Variants in RASGRF2 observed in about 807,000 individuals in gnomAD.
The protein encoded by RASGRF2 is ras-specific guanine nucleotide-releasing factor 2.
A neutral mutation model predicts 151.0 loss-of-function variants in RASGRF2; 76 were observed. That is an observed-to-expected ratio of 0.50 (90% confidence interval 0.42 to 0.61). The LOEUF (loss-of-function observed/expected upper bound fraction) is 0.61. Ranked by LOEUF, RASGRF2 falls within the 20% of genes least tolerant of loss-of-function variation. The probability of loss-of-function intolerance (pLI) is 0.00; values close to 1 mark genes in which losing one functional copy is unlikely to be tolerated. For missense variants in RASGRF2, 1,148 were observed against 1,564.6 expected (o/e 0.73, Z 4.49); for synonymous variants, 504 against 566.5 (o/e 0.89, Z 1.57).
intron 17 of RASGRF2, among the ~76,000 whole-genome samples, chr5:81,172,710 C>T (rs1754685501): frequency 6.6e-6 from 1 of 152,122 alleles, no homozygotes; most frequent in African/African-American, 2.4e-5. Flanking sequence ...ACCCCTTATC[C>T]CTACCATTGT....
At chr5:80,996,514 CTCCT>C (rs1748875851) in intron 1 of RASGRF2, among the ~76,000 whole-genome samples, 1 of 34,732 alleles carries the variant, frequency 2.9e-5, no homozygotes, top group Admixed American at 3.4e-4. Flanking sequence ...CCTCCTCCTC[CTCCT>C]CCCCCTCCTC....
chr5:81,101,325 T>G (rs1010831307), intron 12 of RASGRF2, among the ~76,000 whole-genome samples: 3 of 152,120 alleles, frequency 2.0e-5, no homozygotes, highest in African/African-American at 4.8e-5. Context: ...ATGTACACAC[T>G]CACATATACC....
chr5:81,040,660 G>A (rs916834204), intron 1 of RASGRF2, among the ~76,000 whole-genome samples: 2 of 152,198 alleles, frequency 1.3e-5, no homozygotes, highest in Admixed American at 6.5e-5. Context: ...CCCCTTGGAT[G>A]TTAGAACCTT....
chr5:81,092,423 AT>A (rs1752416700), intron 9 of RASGRF2, among the ~76,000 whole-genome samples: 1 of 152,112 alleles, frequency 6.6e-6, no homozygotes, highest in African/African-American at 2.4e-5. Context: ...TTGTTATCAT[AT>A]TATTCTATAT....
chr5:81,199,172 A>G (rs1308262991), intron 18 of RASGRF2, among the ~76,000 whole-genome samples: 3 of 152,214 alleles, frequency 2.0e-5, no homozygotes, highest in African/African-American at 7.2e-5. Flanking sequence ...CTTTTAAAGC[A>G]TTCGCCTCTT....
At chr5:81,091,991 G>T (rs1752402303) in intron 9 of RASGRF2, among the ~76,000 whole-genome samples, 1 of 152,160 alleles carries the variant, frequency 6.6e-6, no homozygotes, top group African/African-American at 2.4e-5. Flanking sequence ...ATCTTTGTTA[G>T]TACTTTTTGG....
chr5:81,028,710 C>T (rs1191284858), intron 1 of RASGRF2, among the ~76,000 whole-genome samples: 1 of 152,188 alleles, frequency 6.6e-6, no homozygotes, highest in South Asian at 2.1e-4. Context: ...ATAGGAACAG[C>T]TGCAGTCTAC....
intron 1 of RASGRF2, among the ~76,000 whole-genome samples, chr5:80,999,257 T>C (rs1193727826): frequency 6.6e-6 from 1 of 152,184 alleles, no homozygotes; most frequent in Non-Finnish European, 1.5e-5. Context: ...CTTCACTTTA[T>C]GGGGATAAGA....
intron 16 of RASGRF2, among the ~76,000 whole-genome samples, chr5:81,126,562 C>T (rs1379933014): frequency 6.6e-6 from 1 of 152,080 alleles, no homozygotes; most frequent in Non-Finnish European, 1.5e-5. Flanking sequence ...CTCTCCATTC[C>T]CCCTCCAACC....
intron 1 of RASGRF2, among the ~76,000 whole-genome samples, chr5:81,041,811 C>T (rs2086808850): frequency 1.3e-5 from 2 of 152,128 alleles, no homozygotes; most frequent in Admixed American, 1.3e-4. Flanking sequence ...TATGTAGAAC[C>T]ATTTTATCAC....
chr5:81,219,172 G>C (rs529367942), intron 25 of RASGRF2, among the ~76,000 whole-genome samples: 3 of 151,496 alleles, frequency 2.0e-5, no homozygotes, highest in Non-Finnish European at 4.4e-5. Flanking sequence ...TCCACCTTCC[G>C]GGTTCAAGCA....
intron 18 of RASGRF2, among the ~76,000 whole-genome samples, chr5:81,180,954 A>G (rs1231410081): frequency 6.6e-6 from 1 of 152,032 alleles, no homozygotes; most frequent in African/African-American, 2.4e-5. Context: ...TGCATGCATA[A>G]TGCTTTTCTT....
chr5:81,223,118 C>G (rs1340108833), intron 26 of RASGRF2, among the ~76,000 whole-genome samples: 1 of 152,144 alleles, frequency 6.6e-6, no homozygotes, highest in African/African-American at 2.4e-5. Flanking sequence ...ATTCATGGAT[C>G]AAAACACTTA....
chr5:81,151,283 A>T (rs972500797), intron 17 of RASGRF2, among the ~76,000 whole-genome samples: 1 of 152,008 alleles, frequency 6.6e-6, no homozygotes, highest in Non-Finnish European at 1.5e-5. Flanking sequence ...AAAGGTCTTG[A>T]GGCAGATCTC....
chr5:81,046,862 G>A (rs1750851403), intron 2 of RASGRF2, among the ~76,000 whole-genome samples: 1 of 152,084 alleles, frequency 6.6e-6, no homozygotes, highest in Non-Finnish European at 1.5e-5. Flanking sequence ...TCAGCAGTTA[G>A]GAGATAGTCA....
intron 1 of RASGRF2, among the ~76,000 whole-genome samples, chr5:81,023,258 C>T (rs571061920): frequency 1.3e-5 from 2 of 152,158 alleles, no homozygotes; most frequent in Non-Finnish European, 2.9e-5. Context: ...AACTTATTGT[C>T]ATTGTAGATA....
At chr5:81,180,828 T>C (rs984071639) in intron 18 of RASGRF2, among the ~76,000 whole-genome samples, 2 of 152,162 alleles carry the variant, frequency 1.3e-5, no homozygotes, top group Non-Finnish European at 2.9e-5. Flanking sequence ...TTTTAAATTG[T>C]GTTACACTGA....
At chr5:81,102,917 G>A (rs887063499) in intron 12 of RASGRF2, among the ~76,000 whole-genome samples, 12 of 152,144 alleles carry the variant, frequency 7.9e-5, no homozygotes, top group African/African-American at 2.7e-4. Flanking sequence ...CAAATCTTGT[G>A]AGTAAATTAT....
At chr5:81,221,780 C>T (rs977374998) in intron 26 of RASGRF2, among the ~76,000 whole-genome samples, 4 of 152,182 alleles carry the variant, frequency 2.6e-5, no homozygotes, top group South Asian at 4.1e-4. Context: ...AGTTCAAGAC[C>T]AGCCTGGCCA....
Sources: allele counts gnomAD v4.1 joint callset (sites outside exome capture counted in the v4.1 genomes callset), GRCh38; gene constraint gnomAD v4.1.1; transcripts MANE v1.5; gene names NCBI Gene and HGNC (gene_info 2026-07-23, HGNC 2026-07-21).